Variants in GALNT17 observed in about 807,000 individuals in gnomAD.
GALNT17 encodes the protein polypeptide N-acetylgalactosaminyltransferase 17.
GALNT17 carries 29 observed loss-of-function variants against 63.7 expected under a neutral mutation model. That is an observed-to-expected ratio of 0.46 (90% CI 0.34 to 0.62). The LOEUF is 0.62. GALNT17 is among the 20% of genes least tolerant of loss of function. The pLI is 0.01. For synonymous variants in GALNT17, 305 were observed against 318.3 expected (o/e 0.96, Z 0.45); for missense variants, 603 against 799.6 (o/e 0.75, Z 2.97).
chr7:71,169,802 C>T (rs1397610621), intron 1 of GALNT17, among the ~76,000 whole-genome samples: 1 of 152,110 alleles, frequency 6.6e-6, no homozygotes, highest in Non-Finnish European at 1.5e-5. Flanking sequence ...GTGATAAGCC[C>T]ACCTTGGCCT....
intron 5 of GALNT17, among the ~76,000 whole-genome samples, chr7:71,431,170 T>A (rs1214923697): frequency 6.6e-6 from 1 of 151,572 alleles, no homozygotes; most frequent in African/African-American, 2.4e-5. Context: ...TATTCGCTCC[T>A]CATTCTCACC....
chr7:71,406,127 T>G (rs956597734), intron 3 of GALNT17, among the ~76,000 whole-genome samples: 1 of 152,208 alleles, frequency 6.6e-6, no homozygotes, highest in Non-Finnish European at 1.5e-5. Context: ...CTGGAGTGTT[T>G]CCTGATTAGC....
chr7:71,698,274 A>G (rs969176573), intron 9 of GALNT17, among the ~76,000 whole-genome samples: 6 of 152,292 alleles, frequency 3.9e-5, no homozygotes, highest in African/African-American at 1.4e-4. Context: ...GGAACTTCTA[A>G]AGAATGTACT....
At chr7:71,331,823 C>A (rs978316675) in intron 1 of GALNT17, among the ~76,000 whole-genome samples, 3 of 152,134 alleles carry the variant, frequency 2.0e-5, no homozygotes, top group Non-Finnish European at 2.9e-5. Flanking sequence ...TTAGATGAGA[C>A]AATGGTAGAA....
chr7:71,557,083 G>A (rs1188867036), intron 5 of GALNT17, among the ~76,000 whole-genome samples: 7 of 146,278 alleles, frequency 4.8e-5, no homozygotes, highest in African/African-American at 1.8e-4. Flanking sequence ...GGGAGAGATA[G>A]GGTCTCTCTA....
intron 3 of GALNT17, among the ~76,000 whole-genome samples, chr7:71,409,736 A>G (rs932347368): frequency 6.6e-6 from 1 of 152,196 alleles, no homozygotes; most frequent in South Asian, 2.1e-4. Context: ...GTAACAGATC[A>G]ATTATGCTGA....
At chr7:71,213,948 C>T (rs1250398137) in intron 1 of GALNT17, among the ~76,000 whole-genome samples, 1 of 152,208 alleles carries the variant, frequency 6.6e-6, no homozygotes, top group Non-Finnish European at 1.5e-5. Context: ...TCTGTTTAAA[C>T]TTTTAACTAC....
chr7:71,658,901 T>A (rs1389604632), intron 6 of GALNT17, among the ~76,000 whole-genome samples: 1 of 148,966 alleles, frequency 6.7e-6, no homozygotes, highest in African/African-American at 2.5e-5. Context: ...AAAAAAAAAA[T>A]CCCTCAAATC....
chr7:71,682,222 C>G (rs543692869), intron 9 of GALNT17, among the ~76,000 whole-genome samples: 2 of 151,958 alleles, frequency 1.3e-5, no homozygotes, highest in Non-Finnish European at 1.5e-5. Flanking sequence ...CCACTGCGCC[C>G]GGCCTCAGGG....
chr7:71,254,949 A>G (rs1411154641), intron 1 of GALNT17, among the ~76,000 whole-genome samples: 1 of 152,240 alleles, frequency 6.6e-6, no homozygotes, highest in African/African-American at 2.4e-5. Context: ...GAGAACATGT[A>G]TATCAGTGGC....
chr7:71,449,112 T>TTTTTTTTC (rs1787212897), intron 5 of GALNT17, among the ~76,000 whole-genome samples: 1 of 117,360 alleles, frequency 8.5e-6, no homozygotes, highest in Non-Finnish European at 1.7e-5. Context: ...TATTTTCTTT[T>TTTTTTTTC]TTTTTTTTTT....
At chr7:71,580,330 G>T (rs1184747396) in intron 6 of GALNT17, among the ~76,000 whole-genome samples, 2 of 151,882 alleles carry the variant, frequency 1.3e-5, no homozygotes, top group Non-Finnish European at 2.9e-5. Context: ...TGGATACAAA[G>T]AAGATAGATA....
chr7:71,476,499 TAA>T (rs58659848), intron 5 of GALNT17, among the ~76,000 whole-genome samples: 18 of 140,084 alleles, frequency 1.3e-4, no homozygotes, highest in Non-Finnish European at 1.6e-4. Context: ...ATATTTTGTT[TAA>T]AAAAAAAAAA....
At chr7:71,627,526 G>A (rs988095666) in intron 6 of GALNT17, among the ~76,000 whole-genome samples, 2 of 152,184 alleles carry the variant, frequency 1.3e-5, no homozygotes, top group East Asian at 3.9e-4. Flanking sequence ...CAGTCAAAGG[G>A]CAAATGGCCA....
intron 6 of GALNT17, among the ~76,000 whole-genome samples, chr7:71,586,375 A>C (rs1789716988): frequency 6.6e-6 from 1 of 152,198 alleles, no homozygotes; most frequent in Admixed American, 6.5e-5. Context: ...TTTGTCGTTT[A>C]CTGAGAAGTA....
intron 6 of GALNT17, among the ~76,000 whole-genome samples, chr7:71,657,847 T>G (rs1410046155): frequency 6.8e-6 from 1 of 146,582 alleles, no homozygotes; most frequent in African/African-American, 2.5e-5. Flanking sequence ...TTTATTTCAT[T>G]TTATGGATGG....
chr7:71,447,289 A>G (rs1006323924), intron 5 of GALNT17, among the ~76,000 whole-genome samples: 6 of 152,130 alleles, frequency 3.9e-5, no homozygotes, highest in African/African-American at 1.4e-4. Flanking sequence ...AGGTTTGATG[A>G]TTTGCTAGAA....
chr7:71,693,183 AGTGT>A (rs1373353105), intron 9 of GALNT17, among the ~76,000 whole-genome samples: 1 of 147,436 alleles, frequency 6.8e-6, no homozygotes, highest in Non-Finnish European at 1.5e-5. Context: ...TAATATAAAT[AGTGT>A]GTGTGTATAT....
chr7:71,410,286 C>T (rs1793407175), intron 3 of GALNT17, among the ~76,000 whole-genome samples: 2 of 151,148 alleles, frequency 1.3e-5, no homozygotes, highest in South Asian at 4.2e-4. Flanking sequence ...CACTCTATTG[C>T]CCAGGCTATA....
Sources: gnomAD v4.1 joint callset for allele counts (sites outside exome capture counted in the v4.1 genomes callset) on GRCh38, gnomAD v4.1.1 for gene constraint, MANE v1.5 for transcripts, NCBI Gene and HGNC (gene_info 2026-07-23, HGNC 2026-07-21) for gene names.